Variants in DENND2A observed in about 807,000 individuals in gnomAD.
The protein encoded by DENND2A is DENN domain-containing protein 2A.
DENND2A carries 53 observed loss-of-function variants against 105.3 expected under a neutral mutation model. That is an observed-to-expected ratio of 0.50 (90% CI 0.40 to 0.63). DENND2A has a LOEUF of 0.63. Ranked by LOEUF, DENND2A falls within the 30% of genes least tolerant of loss-of-function variation. The pLI is 0.00. For missense variants in DENND2A, 1,138 were observed against 1,279.6 expected (o/e 0.89, Z 1.69); for synonymous variants, 522 against 508.4 (o/e 1.03, Z -0.36).
At chr7:140,614,361 T>G (rs143713809) in intron 1 of DENND2A, among the ~76,000 whole-genome samples, 17 of 152,312 alleles carry the variant, frequency 1.1e-4, no homozygotes, top group Non-Finnish European at 2.1e-4. Context: ...TGCCTTGGCC[T>G]TCCAAAATGC....
chr7:140,529,351 T>C (rs1796173544), intron 14 of DENND2A, among the ~76,000 whole-genome samples: 1 of 152,202 alleles, frequency 6.6e-6, no homozygotes, highest in Admixed American at 6.6e-5. Context: ...TTGGTAGGAC[T>C]GTAAACTAGT....
In DENND2A at chr7:140,523,224, C is replaced by T. The variant is rs1171920332; in HGVS notation, c.2665+83G>A. ...TATGTCTCCCTTGCCCATATTCCTA[C>T]TTGGCCCTTGGCCACTGCCCATTTG... On this transcript the variant is annotated intron_variant, in intron 17 of 19. Coordinates refer to ENST00000496613, the MANE Select transcript of DENND2A (RefSeq NM_015689.5). The surrounding 1 kb of genome is among the most constrained non-coding windows in gnomAD (Gnocchi z 4.5). The T allele has an allele frequency of 7.8e-7, 1 of 1,286,780 alleles. No individual in the cohort carries two copies. Among genetic ancestry groups the T allele is most frequent in the East Asian group, 2.3e-5 (1 of 43,310 alleles). The allele number at this position is 1,286,780 out of a possible 1,614,324, so 79.7% of individuals were successfully genotyped here.
At chr7:140,577,927 A>C (rs1798374165) in intron 5 of DENND2A, among the ~76,000 whole-genome samples, 1 of 152,198 alleles carries the variant, frequency 6.6e-6, no homozygotes, top group Non-Finnish European at 1.5e-5. Context: ...TAGGATCCTA[A>C]GAACGATGTG....
intron 5 of DENND2A, among the ~76,000 whole-genome samples, chr7:140,580,505 A>G (rs932663182): frequency 2.6e-5 from 4 of 152,118 alleles, no homozygotes; most frequent in African/African-American, 9.7e-5. Context: ...TTTTTTATAG[A>G]GATGGGGTCT....
At chr7:140,574,889 G>T (rs540543718) in intron 5 of DENND2A, among the ~76,000 whole-genome samples, 13 of 152,030 alleles carry the variant, frequency 8.6e-5, no homozygotes, top group African/African-American at 2.9e-4. Flanking sequence ...GCGTGGTGGC[G>T]GGTGCCTGTA....
chr7:140,611,115 G>A (rs1799882250), intron 1 of DENND2A, among the ~76,000 whole-genome samples: 1 of 152,090 alleles, frequency 6.6e-6, no homozygotes, highest in South Asian at 2.1e-4. Flanking sequence ...GCATGATCTC[G>A]GCTCACCGCC....
intron 5 of DENND2A, among the ~76,000 whole-genome samples, chr7:140,575,413 T>A (rs1035905790): frequency 2.6e-5 from 4 of 152,190 alleles, no homozygotes; most frequent in African/African-American, 9.7e-5. Context: ...GAGGGCAGTC[T>A]AGTGTGAGCT....
At chr7:140,597,424 G>A (rs1417615083) in intron 3 of DENND2A, among the ~76,000 whole-genome samples, 1 of 152,098 alleles carries the variant, frequency 6.6e-6, no homozygotes, top group Non-Finnish European at 1.5e-5. Flanking sequence ...CCACAATAAA[G>A]AGCATACTTT....
At chr7:140,612,732 TC>T in intron 1 of DENND2A, among the ~76,000 whole-genome samples, 1 of 152,130 alleles carries the variant, frequency 6.6e-6, no homozygotes, top group East Asian at 2.0e-4. Flanking sequence ...GAACTCCTGA[TC>T]TCAAGTGATC....
chr7:140,569,108 T>C (rs929417742), intron 7 of DENND2A, among the ~76,000 whole-genome samples: 1 of 152,130 alleles, frequency 6.6e-6, no homozygotes, highest in Non-Finnish European at 1.5e-5. Context: ...TATTTTTTAG[T>C]AGAGACAAGG....
At chr7:140,634,584 T>G (rs1274610368) in intron 1 of DENND2A, among the ~76,000 whole-genome samples, 1 of 152,134 alleles carries the variant, frequency 6.6e-6, no homozygotes, top group African/African-American at 2.4e-5. Flanking sequence ...AAATTTAAAA[T>G]TTTTGGCCAG....
At position 140,559,702 on chromosome 7, in the gene DENND2A, T is replaced by TC; in HGVS notation, c.1889+5dup. ...GGGGCTGCGAAGGGGAGAAGCCAGC[T>TC]CGTACCTGGTGAACTGCTGGACAGG... On this transcript the variant is annotated splice_donor_region_variant and intron_variant, in intron 10 of 19. Coordinates refer to ENST00000496613, the MANE Select transcript of DENND2A (RefSeq NM_015689.5). This position sits in a 1 kb window ranked among gnomAD's most constrained non-coding sequence, Gnocchi z 4.1. 1 of 1,610,652 alleles carries TC rather than the reference T, an allele frequency of 6.2e-7. No homozygotes were observed. The highest frequency in any genetic ancestry group is 8.5e-7 in the Non-Finnish European group (1 of 1,176,852).
At chr7:140,585,403 T>G (rs927911567) in intron 5 of DENND2A, among the ~76,000 whole-genome samples, 186 bp downstream of exon 5, 2 of 152,160 alleles carry the variant, frequency 1.3e-5, no homozygotes, top group Non-Finnish European at 2.9e-5. Flanking sequence ...AGGAAGCTTT[T>G]TTGAGCAGAG....
chr7:140,615,355 G>C (rs1450386760), intron 1 of DENND2A, among the ~76,000 whole-genome samples: 1 of 152,152 alleles, frequency 6.6e-6, no homozygotes, highest in Non-Finnish European at 1.5e-5. Context: ...ACAACACCGG[G>C]GGACATATTT....
At chr7:140,633,992 T>G (rs952784319) in intron 1 of DENND2A, among the ~76,000 whole-genome samples, 1 of 151,616 alleles carries the variant, frequency 6.6e-6, no homozygotes, top group Non-Finnish European at 1.5e-5. Flanking sequence ...GAGATTAAAA[T>G]AGATTTCTTT....
At chr7:140,567,340 G>GAC in intron 8 of DENND2A, 67 bp from the exon 9 acceptor site, 2 of 1,280,014 alleles carry the variant, frequency 1.6e-6, no homozygotes, top group Non-Finnish European at 2.1e-6. Context: ...GAGAGAGAGA[G>GAC]AGAGACAGAG....
At chr7:140,635,676 C>T (rs1377915566) in intron 1 of DENND2A, among the ~76,000 whole-genome samples, 1 of 152,154 alleles carries the variant, frequency 6.6e-6, no homozygotes, top group Non-Finnish European at 1.5e-5. Context: ...GGGGAAAAAA[C>T]GATCACTTGG....
chr7:140,538,444 C>A (rs368107523), intron 14 of DENND2A, among the ~76,000 whole-genome samples: 39 of 152,264 alleles, frequency 2.6e-4, no homozygotes, highest in African/African-American at 9.1e-4. Context: ...GCATGTGCAG[C>A]CCCAGGAGTA....
chr7:140,633,728 A>C (rs767650894), intron 1 of DENND2A, among the ~76,000 whole-genome samples: 3 of 152,134 alleles, frequency 2.0e-5, no homozygotes, highest in Admixed American at 6.6e-5. Context: ...AGGTTATGGA[A>C]ACACGAAACC....
Sources: gnomAD v4.1 joint callset for allele counts (sites outside exome capture counted in the v4.1 genomes callset) on GRCh38, gnomAD v4.1.1 for gene constraint, Gnocchi (gnomAD v3.1) non-coding constraint, MANE v1.5 for transcripts, NCBI Gene and HGNC (gene_info 2026-07-23, HGNC 2026-07-21) for gene names.